PPT1: variants seen among roughly 807,000 people sequenced by gnomAD.
The protein encoded by PPT1 is ceroid-palmitoyl-palmitoyl-protein thioesterase 1.
In PPT1, 24 loss-of-function variants were observed where a neutral mutation model predicts 44.0. That is an observed-to-expected ratio of 0.54 (90% confidence interval 0.39 to 0.77). The LOEUF is 0.77. Among genes scored for constraint, PPT1 ranks in the 30% least tolerant of loss-of-function variants. The pLI is 0.00. For missense variants in PPT1, 341 were observed against 378.8 expected (o/e 0.90, Z 0.83); for synonymous variants, 148 against 140.2 (o/e 1.06, Z -0.39).
At position 40,078,547 on chromosome 1, in the gene PPT1, A is replaced by G. The variant is rs1012254796; in HGVS notation, c.726+13T>C. The G allele has an allele frequency of 2.5e-6, 4 of 1,609,880 alleles. No individual in the cohort carries two copies. Among genetic ancestry groups the G allele is most frequent in the Non-Finnish European group, 2.6e-6 (3 of 1,176,394 alleles). On this transcript the variant is annotated intron_variant, in intron 7 of 8. Coordinates refer to ENST00000642050, the MANE Select transcript of PPT1 (RefSeq NM_000310.4). ...ATTTACTCTCCTGGCATGTGGCCTA[A>G]GTAGTGTCTCACCTCCGAATCTACA...
intron 5 of PPT1, among the ~76,000 whole-genome samples, chr1:40,089,038 G>A (rs991928276): frequency 1.3e-5 from 2 of 152,098 alleles, no homozygotes; most frequent in Admixed American, 1.3e-4. Context: ...TGTAATCCCA[G>A]CACTTTGGGA....
chr1:40,088,068 T>C (rs1570465486), intron 5 of PPT1, among the ~76,000 whole-genome samples: 2 of 152,128 alleles, frequency 1.3e-5, no homozygotes, highest in East Asian at 3.9e-4. Context: ...AATGAGACAC[T>C]TGGAAAACCC....
In PPT1 at chr1:40,096,725, AGGT is replaced by A. The variant is rs556570679; in HGVS notation, c.124+387_124+389del. 374 of 241,766 alleles carry A rather than the reference AGGT, an allele frequency of 1.5e-3. 2 individuals are homozygous for A. The highest frequency in any genetic ancestry group is 5.0e-3 in the Admixed American group (98 of 19,420). The allele number at this position is 241,766 out of a possible 1,614,324, so 15.0% of individuals were successfully genotyped here. A position where few individuals can be genotyped will look rare whatever the true frequency, so the allele number is the denominator to read the frequency against. On this transcript the variant is annotated intron_variant, in intron 1 of 8. Coordinates refer to ENST00000642050, the MANE Select transcript of PPT1 (RefSeq NM_000310.4). The stretch of plus-strand genomic sequence containing the variant: ...GTTACTCAATTTGTAAATGAACTGT[AGGT>A]GCCTAACAAATCTCTGTTCAATGTG...
rs922303138 is a variant in PPT1 at position 40,078,830 on chromosome 1, T to C, written c.628-172A>G. On this transcript the variant is annotated intron_variant, in intron 6 of 8. Coordinates refer to ENST00000642050, the MANE Select transcript of PPT1 (RefSeq NM_000310.4). ...GATATACCTGTACAGCTTTTTTTTTTCTTTTTTTCTAAAAAACAAAATATT... is the reference window on the plus strand; with the variant it reads ...GATATACCTGTACAGCTTTTTTTTTCCTTTTTTTCTAAAAAACAAAATATT... 5.9e-5 allele frequency: 38 copies of C among 648,222 alleles called. No homozygotes were observed. In the Admixed American group the frequency reaches 6.0e-4, roughly 10 times the overall value. 40.2% of individuals were successfully genotyped at this position (648,222 alleles called of 1,614,324 possible). A position where few individuals can be genotyped will look rare whatever the true frequency, so the allele number is the denominator to read the frequency against.
chr1:40,076,895 T>A lies in PPT1; in HGVS notation c.745A>T (p.Ser249Cys), dbSNP rs1002065621. The A allele has an allele frequency of 1.2e-6, 2 of 1,614,076 alleles. No homozygotes were observed. Among genetic ancestry groups the A allele is most frequent in the African/African-American group, 2.7e-5 (2 of 74,934 alleles). The change falls in exon 8 of 9, where the codon AGT (serine) becomes TGT (cysteine). Residue 249 changes from serine (S) to cysteine (C), a missense_variant. Coordinates refer to ENST00000642050, the MANE Select transcript of PPT1 (RefSeq NM_000310.4). The part of the protein sequence containing the change: ...VDSEWFGFYR[S>C]GQAKETIPLQ... ...GGAATGGTTTCCTTGGCTTGGCCAC[T>A]TCTGTAAAATCCAAACCACTGCAGA...
chr1:40,079,596 A>G (rs2124473601), intron 6 of PPT1, among the ~76,000 whole-genome samples: 1 of 152,148 alleles, frequency 6.6e-6, no homozygotes, highest in East Asian at 1.9e-4. Flanking sequence ...GGGTTTCACT[A>G]TGCTGGCCAG....
At position 40,072,865 on chromosome 1, in the gene PPT1, GTTCT is replaced by G. The variant is rs1648308406; in HGVS notation, c.*1192_*1195del. The G allele has an allele frequency of 6.6e-6, 1 of 152,172 alleles. No homozygotes were observed. Among genetic ancestry groups the G allele is most frequent in the South Asian group, 2.1e-4 (1 of 4,832 alleles). The allele number at this position is 152,172 out of a possible 1,614,324, so 9.4% of individuals were successfully genotyped here. Reference sequence around the variant, plus strand: ...GGCTAAACTTAGCAGCACCAACACGGTTCTTTCATCAAGGCGTAGCTCATCATTT... The same window carrying G: ...GGCTAAACTTAGCAGCACCAACACGGTTCATCAAGGCGTAGCTCATCATTT... On this transcript the variant is annotated 3_prime_UTR_variant, in exon 9 of 9. Coordinates refer to ENST00000642050, the MANE Select transcript of PPT1 (RefSeq NM_000310.4).
At chr1:40,091,671 C>G (rs532502779) in intron 3 of PPT1, among the ~76,000 whole-genome samples, 2 of 152,148 alleles carry the variant, frequency 1.3e-5, no homozygotes, top group East Asian at 3.9e-4. Context: ...CGAGACCAGC[C>G]TAGACAACAT....
Position 40,092,037 on chromosome 1 carries a change from G to T in PPT1, c.362+8C>A. The T allele has an allele frequency of 6.2e-7, 1 of 1,613,854 alleles. No homozygotes were observed. Among genetic ancestry groups the T allele is most frequent in the South Asian group, 1.1e-5 (1 of 91,062 alleles). On this transcript the variant is annotated splice_region_variant and intron_variant, in intron 3 of 8. Transcript: ENST00000642050. Reference sequence around the variant, plus strand: ...ATAAGTGGTACAATATAACAAAAAGGAACGTACAGAAATTGGCCTCCCTGG... The same window carrying T: ...ATAAGTGGTACAATATAACAAAAAGTAACGTACAGAAATTGGCCTCCCTGG...
At chr1:40,097,037 A>AG in intron 1 of PPT1, 78 bp downstream of exon 1, 1 of 1,611,742 alleles carries the variant, frequency 6.2e-7, no homozygotes, top group Non-Finnish European at 8.5e-7. Context: ...CGCCCTCTAC[A>AG]CCCGCATTTT....
chr1:40,077,562 G>C (rs1648691705), intron 7 of PPT1, among the ~76,000 whole-genome samples: 1 of 152,166 alleles, frequency 6.6e-6, no homozygotes, highest in African/African-American at 2.4e-5. Context: ...GTTAGTGTTT[G>C]GTGTTACTCG....
chr1:40,094,225 G>C (rs1387480016), intron 1 of PPT1, among the ~76,000 whole-genome samples: 1 of 152,094 alleles, frequency 6.6e-6, no homozygotes, highest in Non-Finnish European at 1.5e-5. Flanking sequence ...TGGCACCAGG[G>C]ACCAGGTTTG....
downstream of PPT1, chr1:40,072,443 A>G (rs1405751623): frequency 5.2e-6 from 1 of 191,836 alleles, no homozygotes; most frequent in Non-Finnish European, 1.1e-5. Flanking sequence ...TAGGTCTTGA[A>G]TTATGTAAGA....
intron 6 of PPT1, among the ~76,000 whole-genome samples, chr1:40,079,235 A>T (rs909847053): frequency 3.9e-5 from 6 of 152,070 alleles, no homozygotes; most frequent in African/African-American, 9.7e-5. Context: ...TTCTCTATCC[A>T]GTCTACCGCT....
intron 1 of PPT1, among the ~76,000 whole-genome samples, chr1:40,094,545 A>G (rs564835048): frequency 3.3e-5 from 5 of 152,126 alleles, no homozygotes; most frequent in Non-Finnish European, 7.4e-5. Flanking sequence ...TTGACCCTGA[A>G]TTTGAGAGTG....
At chr1:40,087,958 C>T (rs1465670879) in intron 5 of PPT1, among the ~76,000 whole-genome samples, 1 of 150,952 alleles carries the variant, frequency 6.6e-6, no homozygotes, top group East Asian at 2.1e-4. Flanking sequence ...GAAAAGACAG[C>T]TATTAGCTGT....
intron 5 of PPT1, among the ~76,000 whole-genome samples, chr1:40,087,848 T>C (rs1432876856): frequency 6.6e-6 from 1 of 151,924 alleles, no homozygotes; most frequent in Non-Finnish European, 1.5e-5. Context: ...AAAAAGGAGC[T>C]AGAGGTACAG....
Position 40,073,690 on chromosome 1 carries a change from G to A in PPT1, c.*371C>T. 8.2e-6 allele frequency: 2 copies of A among 244,988 alleles called. No individual in the cohort carries two copies. 15.2% of individuals were successfully genotyped at this position (244,988 alleles called of 1,614,324 possible). On this transcript the variant is annotated 3_prime_UTR_variant, in exon 9 of 9. Transcript: ENST00000642050. ...CTGGGCACCTCTTTGCTTGAAATATGGCAAGACTTGGAAAAATGTTTGCCC... is the reference window on the plus strand; with the variant it reads ...CTGGGCACCTCTTTGCTTGAAATATAGCAAGACTTGGAAAAATGTTTGCCC...
At chr1:40,086,467 A>G (rs999096935) in intron 5 of PPT1, among the ~76,000 whole-genome samples, 7 of 152,198 alleles carry the variant, frequency 4.6e-5, no homozygotes, top group Admixed American at 2.0e-4. Flanking sequence ...AAGTTATCTG[A>G]AGAATGTGGA....
Sources: gnomAD v4.1 joint callset for allele counts (sites outside exome capture counted in the v4.1 genomes callset) on GRCh38, gnomAD v4.1.1 for gene constraint, MANE v1.5 for transcripts, NCBI Gene and HGNC (gene_info 2026-07-23, HGNC 2026-07-21) for gene names.